ZNF407: variants seen among roughly 807,000 people sequenced by gnomAD.
The protein encoded by ZNF407 is zinc finger protein 407.
In ZNF407, 17 loss-of-function variants were observed where a neutral mutation model predicts 131.2. The observed-to-expected ratio is 0.13, with a 90% CI of 0.09 to 0.19. The LOEUF (loss-of-function observed/expected upper bound fraction) is 0.19. ZNF407 is among the 10% of genes least tolerant of loss of function. ZNF407 has a pLI of 1.00. For synonymous variants in ZNF407, 1,156 were observed against 1,062.0 expected (o/e 1.09, Z -1.72); for missense variants, 2,681 against 2,830.6 (o/e 0.95, Z 1.20).
chr18:74,666,763 A>T (rs749112479), intron 3 of ZNF407, among the ~76,000 whole-genome samples: 1 of 152,184 alleles, frequency 6.6e-6, no homozygotes, highest in Non-Finnish European at 1.5e-5. Flanking sequence ...ATTGAGGCTC[A>T]GGTGTGAAAT....
At chr18:74,834,932 T>C (rs1176809406) in intron 4 of ZNF407, among the ~76,000 whole-genome samples, 1 of 152,198 alleles carries the variant, frequency 6.6e-6, no homozygotes, top group Non-Finnish European at 1.5e-5. Context: ...TCTTTCGTGA[T>C]TTTTGTTTTC....
chr18:74,790,925 A>G (rs1157372310), intron 4 of ZNF407, among the ~76,000 whole-genome samples: 2 of 152,238 alleles, frequency 1.3e-5, no homozygotes, highest in Non-Finnish European at 2.9e-5. Flanking sequence ...CTACGGAGCT[A>G]TGATAGGACA....
chr18:74,962,578 C>G (rs867595226), intron 8 of ZNF407, among the ~76,000 whole-genome samples: 1 of 152,234 alleles, frequency 6.6e-6, no homozygotes, highest in African/African-American at 2.4e-5. Flanking sequence ...CCACATCCTG[C>G]GCCTCAGCCC....
At chr18:74,745,573 T>C (rs1471855185) in intron 3 of ZNF407, among the ~76,000 whole-genome samples, 1 of 152,242 alleles carries the variant, frequency 6.6e-6, no homozygotes, top group East Asian at 1.9e-4. Flanking sequence ...AACTATCTTC[T>C]TGCCTTTGCC....
chr18:74,636,548 T>C (rs1984472669), intron 2 of ZNF407, among the ~76,000 whole-genome samples: 1 of 152,202 alleles, frequency 6.6e-6, no homozygotes, highest in Non-Finnish European at 1.5e-5. Context: ...AGTGAACATA[T>C]TTTCATTAAA....
In ZNF407 at chr18:75,063,113, C is replaced by T; in HGVS notation, c.5429-37C>T. On this transcript the variant is annotated intron_variant, in intron 8 of 8. Coordinates refer to ENST00000299687, the MANE Select transcript of ZNF407 (RefSeq NM_017757.3). The surrounding 1 kb of genome is among the most constrained non-coding windows in gnomAD (Gnocchi z 6.6). The stretch of plus-strand genomic sequence containing the variant: ...TGTCTTACTTGTAAGCCTACGAGTA[C>T]TTTTTCCAGGCTCTAACTGGTCCCT... The T allele has an allele frequency of 6.6e-7, 1 of 1,520,806 alleles. No individual in the cohort carries two copies. Among genetic ancestry groups the T allele is most frequent in the Non-Finnish European group, 8.8e-7 (1 of 1,131,842 alleles). 94.2% of individuals were successfully genotyped at this position (1,520,806 alleles called of 1,614,324 possible).
At chr18:74,928,681 G>C (rs968535312) in intron 8 of ZNF407, among the ~76,000 whole-genome samples, 1 of 152,182 alleles carries the variant, frequency 6.6e-6, no homozygotes, top group Non-Finnish European at 1.5e-5. Context: ...CAAAGAGTCT[G>C]TTTTGTCAAT....
intron 4 of ZNF407, among the ~76,000 whole-genome samples, chr18:74,800,640 C>T (rs1411385729): frequency 3.3e-5 from 5 of 152,048 alleles, no homozygotes; most frequent in East Asian, 1.9e-4. Flanking sequence ...TTGTTTTTCT[C>T]GTGATGGGAG....
intron 3 of ZNF407, among the ~76,000 whole-genome samples, chr18:74,746,985 C>T (rs1968684736): frequency 6.6e-6 from 1 of 152,158 alleles, no homozygotes; most frequent in African/African-American, 2.4e-5. Flanking sequence ...ACGAATAATG[C>T]ACTGCACTGA....
At chr18:74,863,788 A>G (rs1970971546) in intron 4 of ZNF407, among the ~76,000 whole-genome samples, 1 of 152,166 alleles carries the variant, frequency 6.6e-6, no homozygotes, top group East Asian at 1.9e-4. Flanking sequence ...TGTAAGCATG[A>G]TGGAACCTAA....
intron 4 of ZNF407, among the ~76,000 whole-genome samples, chr18:74,809,769 G>T (rs1451958116): frequency 6.6e-6 from 1 of 152,192 alleles, no homozygotes; most frequent in Admixed American, 6.5e-5. Context: ...TGTACCATTA[G>T]AGTGTATGGA....
chr18:74,755,885 C>CTTCCTCTTTTCCTTCCTTTTTTTTTTT (rs1968946067), intron 3 of ZNF407, among the ~76,000 whole-genome samples: 1 of 25,822 alleles, frequency 3.9e-5, no homozygotes, highest in African/African-American at 2.0e-4. Flanking sequence ...CTTTTCCTTC[C>CTTCCTCTTTTCCTTCCTTTTTTTTTTT]TTTTTTTTTT....
chr18:74,901,630 G>T (rs1466815578), intron 7 of ZNF407, among the ~76,000 whole-genome samples: 1 of 152,144 alleles, frequency 6.6e-6, no homozygotes, highest in Non-Finnish European at 1.5e-5. Context: ...CCAAGGGCCC[G>T]TGTGCCATGC....
chr18:74,763,824 C>T (rs1211719481), intron 3 of ZNF407, among the ~76,000 whole-genome samples: 1 of 149,762 alleles, frequency 6.7e-6, no homozygotes, highest in Admixed American at 6.7e-5. Context: ...ATTCTCCTGC[C>T]TCAGCCTCCC....
Position 74,811,319 on chromosome 18 carries a change from A to G in ZNF407, c.4877+29817A>G, listed in dbSNP as rs1228858606. Among the ~76,000 whole-genome samples the G allele has an allele frequency of 4.6e-5, 7 of 152,172 alleles. No homozygotes were observed. The South Asian group carries it at 1.2e-3, about 27-fold the overall frequency. On this transcript the variant is annotated intron_variant, in intron 4 of 8. Transcript: ENST00000299687. ...TCAGAGAAATGCAAATCAAAACCACAATGAGATACCATCTCACACCAGTTA... is the reference window on the plus strand; with the variant it reads ...TCAGAGAAATGCAAATCAAAACCACGATGAGATACCATCTCACACCAGTTA...
At chr18:74,803,322 C>T (rs572128665) in intron 4 of ZNF407, among the ~76,000 whole-genome samples, 4 of 152,284 alleles carry the variant, frequency 2.6e-5, no homozygotes, top group African/African-American at 9.6e-5. Context: ...AATGGGGATA[C>T]CCCGTTGGTC....
At chr18:74,881,221 A>G (rs371229993) in intron 6 of ZNF407, 102 bp downstream of exon 6, 16 of 1,077,950 alleles carry the variant, frequency 1.5e-5, no homozygotes, top group East Asian at 5.3e-5. Flanking sequence ...TTTAATTTTT[A>G]TAACATCTGT....
intron 4 of ZNF407, among the ~76,000 whole-genome samples, chr18:74,857,585 T>C (rs1304992586): frequency 6.6e-6 from 1 of 152,148 alleles, no homozygotes; most frequent in African/African-American, 2.4e-5. Context: ...AATCAGATCA[T>C]TGTCAGTAAT....
intron 3 of ZNF407, among the ~76,000 whole-genome samples, chr18:74,680,035 A>C (rs1966944397): frequency 1.3e-5 from 2 of 152,200 alleles, no homozygotes; most frequent in Non-Finnish European, 1.5e-5. Context: ...TTCATTGATA[A>C]AGCTTTTCAG....
Sources: gnomAD v4.1 joint callset for allele counts (sites outside exome capture counted in the v4.1 genomes callset) on GRCh38, gnomAD v4.1.1 for gene constraint, Gnocchi (gnomAD v3.1) non-coding constraint, MANE v1.5 for transcripts, NCBI Gene and HGNC (gene_info 2026-07-23, HGNC 2026-07-21) for gene names.